NKD2: variants seen among roughly 807,000 people sequenced by gnomAD.
NKD2 encodes the protein NKD inhibitor of Wnt signaling pathway 2.
NKD2 carries 43 observed loss-of-function variants against 34.8 expected under a neutral mutation model. That is an observed-to-expected ratio of 1.24 (90% CI 0.97 to 1.60). The LOEUF is 1.60. Ranked by LOEUF, NKD2 falls within the 40% of genes most tolerant of loss-of-function variation. NKD2 has a pLI of 0.00. For missense variants in NKD2, 675 were observed against 627.1 expected (o/e 1.08, Z -0.82); for synonymous variants, 278 against 265.1 (o/e 1.05, Z -0.47).
chr5:1,010,846 G>A (rs1193263929), intron 3 of NKD2, among the ~76,000 whole-genome samples: 1 of 152,230 alleles, frequency 6.6e-6, no homozygotes, highest in African/African-American at 2.4e-5. Context: ...GGCTTTGGCC[G>A]GCCCCTGTCC....
chr5:1,038,534 TG>T lies in NKD2; in HGVS notation c.*163del. 3 of 1,431,970 alleles carry T rather than the reference TG, an allele frequency of 2.1e-6. No individual in the cohort carries two copies. The highest frequency in any genetic ancestry group is 2.8e-6 in the Non-Finnish European group (3 of 1,054,704). The allele number at this position is 1,431,970 out of a possible 1,614,324, so 88.7% of individuals were successfully genotyped here. A position where few individuals can be genotyped will look rare whatever the true frequency, so the allele number is the denominator to read the frequency against. Reference sequence around the variant, plus strand: ...ACTGCAGGTGCTGGCATGATGGAGGTGGTGCACCTTGGACACGTGGACAAGG... The same window carrying T: ...ACTGCAGGTGCTGGCATGATGGAGGTGTGCACCTTGGACACGTGGACAAGG... On this transcript the variant is annotated 3_prime_UTR_variant, in exon 10 of 10. Coordinates refer to ENST00000296849, the MANE Select transcript of NKD2 (RefSeq NM_033120.4). The surrounding 1 kb of genome is among the most constrained non-coding windows in gnomAD (Gnocchi z 4.5).
chr5:1,034,267 C>T lies in NKD2; in HGVS notation c.363C>T (p.Asp121=), dbSNP rs149056716. 1.1e-4 allele frequency: 171 copies of T among 1,611,390 alleles called. 1 individual carries two copies. The highest frequency in any genetic ancestry group is 1.3e-4 in the Non-Finnish European group (153 of 1,179,480). Residue 121 remains aspartate (D), a synonymous_variant, in exon 6 of 10, where the codon GAC becomes GAT. Coordinates refer to ENST00000296849, the MANE Select transcript of NKD2 (RefSeq NM_033120.4). ...AGTGCGATGTCTCGGTGGAGGAGGACGACCGCCAGGAGTGGACGTTCACGC... is the reference window on the plus strand; with the variant it reads ...AGTGCGATGTCTCGGTGGAGGAGGATGACCGCCAGGAGTGGACGTTCACGC... ...ALQCDVSVEE[D]DRQEWTFTLY... is the part of the protein sequence containing the mutation.
intron 3 of NKD2, among the ~76,000 whole-genome samples, chr5:1,022,552 T>C (rs1396341795): frequency 6.5e-4 from 7 of 10,784 alleles, no homozygotes; most frequent in African/African-American, 7.9e-4. Flanking sequence ...TGTGGGCGTC[T>C]CAGCCCGTTG....
intron 3 of NKD2, among the ~76,000 whole-genome samples, chr5:1,016,171 G>C (rs56186330): frequency 0.12 from 17,755 of 152,326 alleles, 1,174 homozygotes; most frequent in African/African-American, 0.17. Flanking sequence ...ACACGGTGCT[G>C]ACCTGGCTGC....
In NKD2 at chr5:1,038,227, G is replaced by T; in HGVS notation, c.1210G>T (p.Ala404Ser). 6.3e-7 allele frequency: 1 copy of T among 1,591,874 alleles called. No individual in the cohort carries two copies. Residue 404 changes from alanine (A) to serine (S), a missense_variant, in exon 10 of 10, where the codon GCC becomes TCC. By Grantham distance (99) the Ala-to-Ser change is moderately conservative (BLOSUM62 1). Coordinates refer to ENST00000296849, the MANE Select transcript of NKD2 (RefSeq NM_033120.4). The surrounding 1 kb of genome is among the most constrained non-coding windows in gnomAD (Gnocchi z 4.5). ...SPLKAPHAQP[A>S]TVEHEVVRDL... ...ACTCAAGGCCCCACACGCTCAGCCTGCCACAGTGGAGCACGAGGTGGTGCG... is the reference window on the plus strand; with the variant it reads ...ACTCAAGGCCCCACACGCTCAGCCTTCCACAGTGGAGCACGAGGTGGTGCG...
intron 3 of NKD2, among the ~76,000 whole-genome samples, chr5:1,020,318 TAC>T (rs1020869828): frequency 3.9e-5 from 6 of 152,272 alleles, no homozygotes; most frequent in South Asian, 2.1e-4. Flanking sequence ...CATATGTGAG[TAC>T]ACACGTGTAT....
chr5:1,018,967 G>A (rs1179224455), intron 3 of NKD2, among the ~76,000 whole-genome samples: 3 of 152,168 alleles, frequency 2.0e-5, no homozygotes, highest in Non-Finnish European at 4.4e-5. Flanking sequence ...AGGTGGGGAC[G>A]TCACGCCTCT....
intron 3 of NKD2, among the ~76,000 whole-genome samples, chr5:1,031,056 C>T (rs1267843273): frequency 6.6e-6 from 1 of 152,152 alleles, no homozygotes; most frequent in Non-Finnish European, 1.5e-5. Flanking sequence ...CCTGTTTGGA[C>T]CCTGGCCAGT....
intron 3 of NKD2, among the ~76,000 whole-genome samples, chr5:1,020,831 C>T (rs1350756070): frequency 6.6e-6 from 1 of 152,038 alleles, no homozygotes; most frequent in Non-Finnish European, 1.5e-5. Flanking sequence ...TGTGGTCAGT[C>T]GTCCCCTTAG....
chr5:1,020,491 T>C (rs1429620616), intron 3 of NKD2, among the ~76,000 whole-genome samples: 1 of 152,054 alleles, frequency 6.6e-6, no homozygotes, highest in Non-Finnish European at 1.5e-5. Context: ...CTGGGAGGGC[T>C]GTGGGTTCCC....
chr5:1,036,776 G>A (rs190518836), intron 9 of NKD2: 2 of 468,964 alleles, frequency 4.3e-6, no homozygotes, highest in East Asian at 6.6e-5. Flanking sequence ...GTCCAGTAGT[G>A]TGGATGGCCG....
intron 3 of NKD2, among the ~76,000 whole-genome samples, chr5:1,026,014 C>A (rs200557402): frequency 2.9e-5 from 3 of 102,758 alleles, no homozygotes; most frequent in Non-Finnish European, 6.0e-5. Flanking sequence ...GCCCATTGTC[C>A]CTGCTCTTCC....
At chr5:1,034,675 G>A in intron 6 of NKD2, 81 bp from the exon 7 acceptor site, 1 of 1,414,044 alleles carries the variant, frequency 7.1e-7, no homozygotes, top group Non-Finnish European at 9.9e-7. Flanking sequence ...AGGGGCGGGG[G>A]CTGGATGTGT....
chr5:1,011,467 C>T (rs1054593439), intron 3 of NKD2, among the ~76,000 whole-genome samples: 1 of 152,224 alleles, frequency 6.6e-6, no homozygotes, highest in African/African-American at 2.4e-5. Context: ...TCCAGAGCCT[C>T]GCCCATCGTC....
In NKD2 at chr5:1,038,429, A is replaced by G; in HGVS notation, c.*56A>G. 1 of 1,535,542 alleles carries G rather than the reference A, an allele frequency of 6.5e-7. No individual in the cohort carries two copies. The highest frequency in any genetic ancestry group is 8.7e-7 in the Non-Finnish European group (1 of 1,146,606). On this transcript the variant is annotated 3_prime_UTR_variant, in exon 10 of 10. Coordinates refer to ENST00000296849, the MANE Select transcript of NKD2 (RefSeq NM_033120.4). The surrounding 1 kb of genome is among the most constrained non-coding windows in gnomAD (Gnocchi z 4.5). Reference sequence around the variant, plus strand: ...ACACCACAGCCCGCGACCTCAGGGCAGGGAGCAGAGCAGCTGCCGGCTGTG... The same window carrying G: ...ACACCACAGCCCGCGACCTCAGGGCGGGGAGCAGAGCAGCTGCCGGCTGTG...
chr5:1,011,924 T>C (rs4975584), intron 3 of NKD2, among the ~76,000 whole-genome samples: 143,341 of 152,264 alleles, frequency 0.94, 68,111 homozygotes, highest in East Asian at 1. Flanking sequence ...CCTGAAGGGC[T>C]AGGGCCATGG....
intron 3 of NKD2, among the ~76,000 whole-genome samples, chr5:1,027,566 A>C (rs1756471087): frequency 6.6e-6 from 1 of 152,164 alleles, no homozygotes; most frequent in Non-Finnish European, 1.5e-5. Flanking sequence ...GTTGGGCTCC[A>C]GGGGATGCTC....
intron 3 of NKD2, among the ~76,000 whole-genome samples, chr5:1,020,558 G>A (rs940543595): frequency 2.0e-5 from 3 of 152,110 alleles, no homozygotes; most frequent in South Asian, 2.1e-4. Context: ...TCCCATCCGC[G>A]TCGGTTAATG....
intron 3 of NKD2, among the ~76,000 whole-genome samples, chr5:1,020,629 T>C (rs1756137867): frequency 6.6e-6 from 1 of 150,402 alleles, no homozygotes; most frequent in Non-Finnish European, 1.5e-5. Flanking sequence ...CTCGGCTGCC[T>C]GGTCAAAAAG....
Sources: allele counts gnomAD v4.1 joint callset (sites outside exome capture counted in the v4.1 genomes callset), GRCh38; gene constraint gnomAD v4.1.1; non-coding constraint Gnocchi (gnomAD v3.1); transcripts MANE v1.5; gene names NCBI Gene and HGNC (gene_info 2026-07-23, HGNC 2026-07-21).